Variants in SGF29 observed in about 807,000 individuals in gnomAD.
SGF29 encodes the protein SAGA complex associated factor 29, also known as SAGA-associated factor 29.
Under a neutral mutation model 38.1 loss-of-function variants are expected in SGF29, and 15 were observed. The ratio of observed to expected loss-of-function variants is 0.39; its 90% confidence interval spans 0.26 to 0.61. The LOEUF (loss-of-function observed/expected upper bound fraction) is 0.61, where lower values mean the gene tolerates loss of function less well. Among genes scored for constraint, SGF29 ranks in the 20% least tolerant of loss-of-function variants. The probability of loss-of-function intolerance (pLI) is 0.49; values close to 1 mark genes in which losing one functional copy is unlikely to be tolerated. For missense variants in SGF29, 184 were observed against 394.6 expected, an observed-to-expected ratio of 0.47 and a Z score of 4.52; for synonymous variants, 151 against 160.8, an observed-to-expected ratio of 0.94 and a Z score of 0.46.
At chr16:28,564,595 A>ATATATG (rs1567285701) in intron 1 of SGF29, among the ~76,000 whole-genome samples, 1 of 116,744 alleles carries the variant, frequency 8.6e-6, no homozygotes, top group African/African-American at 2.9e-5. Flanking sequence ...ATATATACAC[A>ATATATG]CATATATGTG....
intron 5 of SGF29, chr16:28,589,426 G>T: frequency 2.2e-6 from 1 of 464,796 alleles, no homozygotes. Context: ...TGGGGCCTGG[G>T]CCAGTCGCCC....
chr16:28,585,936 G>A (rs747120448), intron 4 of SGF29, among the ~76,000 whole-genome samples: 10 of 152,208 alleles, frequency 6.6e-5, no homozygotes, highest in African/African-American at 2.4e-4. Context: ...GTGGCAAGGC[G>A]TGAGTCAACA....
intron 1 of SGF29, among the ~76,000 whole-genome samples, chr16:28,572,530 A>G (rs913745836): frequency 3.9e-5 from 6 of 152,052 alleles, no homozygotes; most frequent in African/African-American, 1.4e-4. Flanking sequence ...CGGCTTCCCA[A>G]AGTGCTGGTA....
intron 4 of SGF29, chr16:28,588,649 C>T (rs1353774725): frequency 4.7e-6 from 2 of 427,296 alleles, no homozygotes; most frequent in African/African-American, 4.2e-5. Flanking sequence ...ACTGCAACCT[C>T]TGCCTCCCAG....
At position 28,564,596 on chromosome 16, in the gene SGF29, C is replaced by CATATATGCATATATATACGT. The variant is rs2046814691; in HGVS notation, c.-16+10506_-16+10507insCATATATATACGTATATATG. 3.7e-5 allele frequency among the ~76,000 whole-genome samples: 4 copies of CATATATGCATATATATACGT among 109,108 alleles called. 1 individual carries two copies. Among genetic ancestry groups the CATATATGCATATATATACGT allele is most frequent in the South Asian group, 2.6e-4 (1 of 3,886 alleles). 71.6% of individuals were successfully genotyped at this position (109,108 alleles called of 152,430 possible). On this transcript the variant is annotated intron_variant, in intron 1 of 9. Transcript: ENST00000317058. ...ATATATACACGTATATATATACACACATATATGTGTATATATATACATATA... is the reference window on the plus strand; with the variant it reads ...ATATATACACGTATATATATACACACATATATGCATATATATACGTATATATGTGTATATATATACATATA...
At chr16:28,556,001 A>C (rs2046748570) in intron 1 of SGF29, among the ~76,000 whole-genome samples, 1 of 152,150 alleles carries the variant, frequency 6.6e-6, no homozygotes, top group Admixed American at 6.6e-5. Context: ...AGCATAACCT[A>C]TCTGAATTTC....
chr16:28,584,918 G>A lies in SGF29; in HGVS notation c.81G>A (p.Glu27=). ...LHQLIKQTQE[E]RSRSEHNLVN... ...TGCTGCTCTTTTCCTTACAGGAAGA[G>A]CGTTCGCGGAGCGAACACAACTTAG... Residue 27 remains glutamate (E), a synonymous_variant, in exon 3 of 10, where the codon GAG becomes GAA. Transcript: ENST00000317058. The A allele has an allele frequency of 1.2e-6, 2 of 1,613,322 alleles. No individual in the cohort carries two copies. Among genetic ancestry groups the A allele is most frequent in the Non-Finnish European group, 1.7e-6 (2 of 1,179,672 alleles).
At chr16:28,588,641 T>A (rs1207142336) in intron 4 of SGF29, 1 of 430,546 alleles carries the variant, frequency 2.3e-6, no homozygotes, top group East Asian at 7.3e-5. Context: ...CTCGGTTCAC[T>A]GCAACCTCTG....
chr16:28,589,116 C>G lies in SGF29; in HGVS notation c.241C>G (p.Leu81Val). The G allele has an allele frequency of 6.2e-7, 1 of 1,614,182 alleles. No individual in the cohort carries two copies. Among genetic ancestry groups the G allele is most frequent in the Non-Finnish European group, 8.5e-7 (1 of 1,179,990 alleles). The change falls in exon 5 of 10, where the codon CTG becomes GTG. Residue 81 changes from leucine (L) to valine (V), a missense_variant. Coordinates refer to ENST00000317058, the MANE Select transcript of SGF29 (RefSeq NM_138414.3). ...CGCCCTCAGCATCCTTCGGAAAGCTCTGGACAAGATCGCGGAAATCAAGTC... is the reference window on the plus strand; with the variant it reads ...CGCCCTCAGCATCCTTCGGAAAGCTGTGGACAAGATCGCGGAAATCAAGTC... ...EAECNILRKA[L>V]DKIAEIKSLL...
Position 28,589,153 on chromosome 16 carries a change from A to G in SGF29, c.278A>G (p.Glu93Gly). ...GCGGAAATCAAGTCTCTGTTGGAAG[A>G]GAGGCGGATTGGTGAGTGGGAGAGA... ...KIAEIKSLLE[E>G]RRIAAKIAGL... Residue 93 changes from glutamate to glycine, a missense_variant, in exon 5 of 10, where the codon GAG becomes GGG. Glu to Gly is a moderately conservative substitution (Grantham distance 98). Coordinates refer to ENST00000317058, the MANE Select transcript of SGF29 (RefSeq NM_138414.3). 6.2e-7 allele frequency: 1 copy of G among 1,614,156 alleles called. No individual in the cohort carries two copies. The highest frequency in any genetic ancestry group is 8.5e-7 in the Non-Finnish European group (1 of 1,179,986).
chr16:28,575,762 A>C (rs941652526), intron 1 of SGF29, among the ~76,000 whole-genome samples: 2 of 152,240 alleles, frequency 1.3e-5, no homozygotes, highest in Admixed American at 1.3e-4. Flanking sequence ...ACAGCATATG[A>C]AAAGATACTC....
At chr16:28,555,646 C>T (rs948441811) in intron 1 of SGF29, among the ~76,000 whole-genome samples, 1 of 152,196 alleles carries the variant, frequency 6.6e-6, no homozygotes, top group African/African-American at 2.4e-5. Flanking sequence ...CATCTGCAAG[C>T]TGGAAGCCCA....
Position 28,561,915 on chromosome 16 carries a change from C to G in SGF29, c.-16+7818C>G, listed in dbSNP as rs112557755. Among the ~76,000 whole-genome samples the G allele has an allele frequency of 9.2e-3, 1,402 of 152,270 alleles. 26 individuals carry two copies. Among genetic ancestry groups the G allele is most frequent in the African/African-American group, 0.032 (1,345 of 41,534 alleles). The stretch of plus-strand genomic sequence containing the variant: ...ATTTGTTCTCAGAAGGTCACAGAAA[C>G]CTTTGCTTCTACTTAGAACATGTTT... On this transcript the variant is annotated intron_variant, in intron 1 of 9. Transcript: ENST00000317058.
At chr16:28,589,964 T>C (rs1053070403) in intron 5 of SGF29, 132 bp from the exon 6 acceptor site, 2 of 1,307,064 alleles carry the variant, frequency 1.5e-6, no homozygotes, top group Non-Finnish European at 2.1e-6. Context: ...GGGGTCACAG[T>C]CCTGCTGGGC....
intron 2 of SGF29, among the ~76,000 whole-genome samples, chr16:28,582,772 A>G (rs1381835360): frequency 1.3e-5 from 2 of 152,066 alleles, no homozygotes; most frequent in East Asian, 3.9e-4. Flanking sequence ...GCGAAACTCC[A>G]TCTCTACTAA....
chr16:28,587,495 C>T (rs2046961853), intron 4 of SGF29, among the ~76,000 whole-genome samples: 1 of 152,222 alleles, frequency 6.6e-6, no homozygotes, highest in South Asian at 2.1e-4. Flanking sequence ...TGGGCCATCC[C>T]TGCATTGTAC....
intron 1 of SGF29, among the ~76,000 whole-genome samples, chr16:28,554,381 G>T (rs1184022603): frequency 1.3e-5 from 2 of 152,148 alleles, no homozygotes; most frequent in Admixed American, 1.3e-4. Flanking sequence ...GCTGGGCTCG[G>T]CACGGACGCA....
chr16:28,589,740 A>G (rs943243396), intron 5 of SGF29, among the ~76,000 whole-genome samples: 9 of 152,110 alleles, frequency 5.9e-5, no homozygotes, highest in Non-Finnish European at 4.4e-5. Flanking sequence ...ATATTAATAG[A>G]AGAAAAGTAC....
chr16:28,555,415 G>T (rs957614560), intron 1 of SGF29, among the ~76,000 whole-genome samples: 11 of 152,188 alleles, frequency 7.2e-5, no homozygotes, highest in African/African-American at 2.7e-4. Flanking sequence ...GGTGGATGCT[G>T]CAGTGAGCCA....
Sources: allele counts gnomAD v4.1 joint callset (sites outside exome capture counted in the v4.1 genomes callset), GRCh38; gene constraint gnomAD v4.1.1; transcripts MANE v1.5; gene names NCBI Gene and HGNC (gene_info 2026-07-23, HGNC 2026-07-21).